The following CCDC192 variants were observed in gnomAD, a reference collection of about 807,000 sequenced individuals.
The protein encoded by CCDC192 is coiled-coil domain-containing protein 192.
intron 2 of CCDC192, among the ~76,000 whole-genome samples, chr5:127,708,055 A>G (rs572436353): frequency 1.3e-5 from 2 of 152,144 alleles, no homozygotes; most frequent in Admixed American, 6.6e-5. Flanking sequence ...CTGTGGCCCT[A>G]CAATACTATA....
chr5:127,919,071 A>C (rs575334214), intron 6 of CCDC192, among the ~76,000 whole-genome samples: 2 of 132,274 alleles, frequency 1.5e-5, no homozygotes, highest in African/African-American at 6.6e-5. Flanking sequence ...GTGTGTGTAT[A>C]TATGTGTGTG....
At chr5:127,843,503 T>C (rs1262973782) in intron 5 of CCDC192, among the ~76,000 whole-genome samples, 2 of 151,320 alleles carry the variant, frequency 1.3e-5, no homozygotes, top group Non-Finnish European at 2.9e-5. Flanking sequence ...AGTGGTGTGA[T>C]CTTGGCTTAC....
intron 3 of CCDC192, among the ~76,000 whole-genome samples, chr5:127,793,832 A>G (rs2126960731): frequency 6.6e-6 from 1 of 152,336 alleles, no homozygotes; most frequent in Non-Finnish European, 1.5e-5. Context: ...TCTTAGAACC[A>G]AACAGCATAT....
chr5:127,786,134 C>A, intron 3 of CCDC192: 1 of 1,080,756 alleles, frequency 9.3e-7, no homozygotes, highest in South Asian at 1.3e-5. Flanking sequence ...TTCTGAAGTT[C>A]TGTGTGGAAA....
intron 3 of CCDC192, among the ~76,000 whole-genome samples, chr5:127,790,707 G>T (rs1326723432): frequency 6.6e-6 from 1 of 151,988 alleles, no homozygotes; most frequent in East Asian, 1.9e-4. Flanking sequence ...AACATATTAG[G>T]CATTCTGCCT....
chr5:127,719,558 T>TACACACACACAC (rs372022175), intron 2 of CCDC192, among the ~76,000 whole-genome samples: 332 of 20,812 alleles, frequency 0.016, 5 homozygotes, highest in African/African-American at 0.027. Flanking sequence ...TATATATATA[T>TACACACACACAC]ACACACATAC....
At chr5:127,704,846 TAAATAAATAAATAAA>T (rs2126766270) in intron 1 of CCDC192, among the ~76,000 whole-genome samples, 1 of 71,480 alleles carries the variant, frequency 1.4e-5, no homozygotes, top group South Asian at 3.7e-4. Context: ...CTAAAATAAA[TAAATAAATAAATAAA>T]TAAATAAATA....
intron 5 of CCDC192, among the ~76,000 whole-genome samples, chr5:127,859,864 A>T (rs1001420204): frequency 5.3e-5 from 8 of 152,086 alleles, no homozygotes; most frequent in Admixed American, 1.3e-4. Flanking sequence ...TATTTCCATT[A>T]TTATAGTTGT....
At chr5:127,794,485 C>G (rs1274221340) in intron 3 of CCDC192, among the ~76,000 whole-genome samples, 1 of 152,196 alleles carries the variant, frequency 6.6e-6, no homozygotes, top group Non-Finnish European at 1.5e-5. Flanking sequence ...GCTCTGCAGA[C>G]TGTCTGACAT....
chr5:127,733,959 G>T (rs1236874752), intron 2 of CCDC192, among the ~76,000 whole-genome samples: 1 of 149,228 alleles, frequency 6.7e-6, no homozygotes, highest in Non-Finnish European at 1.5e-5. Flanking sequence ...AAGTTTTAGG[G>T]TACATGTGCA....
intron 6 of CCDC192, among the ~76,000 whole-genome samples, chr5:127,889,588 G>A (rs1445120228): frequency 6.6e-6 from 1 of 152,142 alleles, no homozygotes; most frequent in Non-Finnish European, 1.5e-5. Flanking sequence ...TTTCAGTAGA[G>A]ATGAGGTTTT....
At chr5:127,738,984 C>G (rs1753213158) in intron 2 of CCDC192, among the ~76,000 whole-genome samples, 1 of 151,976 alleles carries the variant, frequency 6.6e-6, no homozygotes, top group Non-Finnish European at 1.5e-5. Flanking sequence ...AACTGTGTTC[C>G]TTTGGAGGAG....
intron 2 of CCDC192, among the ~76,000 whole-genome samples, chr5:127,721,585 C>T (rs192835942): frequency 1.3e-5 from 2 of 152,320 alleles, no homozygotes; most frequent in East Asian, 3.9e-4. Flanking sequence ...ATTACTGAGT[C>T]CCAAAGCTGC....
chr5:127,918,522 A>G (rs1055919784), intron 6 of CCDC192, among the ~76,000 whole-genome samples: 2 of 152,170 alleles, frequency 1.3e-5, no homozygotes, highest in African/African-American at 4.8e-5. Context: ...TACACACTCT[A>G]TGGGATGAAT....
intron 6 of CCDC192, among the ~76,000 whole-genome samples, chr5:127,909,860 G>A (rs190140802): frequency 6.6e-5 from 10 of 152,152 alleles, no homozygotes; most frequent in African/African-American, 2.4e-4. Flanking sequence ...AATTCTTAAG[G>A]GAGACCACAA....
At chr5:127,740,719 A>G (rs1753364650) in intron 2 of CCDC192, among the ~76,000 whole-genome samples, 1 of 152,220 alleles carries the variant, frequency 6.6e-6, no homozygotes, top group Admixed American at 6.5e-5. Flanking sequence ...TACACAGTAT[A>G]GCAAAATTTA....
intron 2 of CCDC192, among the ~76,000 whole-genome samples, chr5:127,737,388 G>A (rs1269785304): frequency 6.6e-6 from 1 of 152,028 alleles, no homozygotes; most frequent in Non-Finnish European, 1.5e-5. Flanking sequence ...GTGTGGTGCT[G>A]AAAAAAATGT....
chr5:127,820,249 A>G (rs377432923), intron 5 of CCDC192, among the ~76,000 whole-genome samples: 3 of 152,354 alleles, frequency 2.0e-5, no homozygotes, highest in East Asian at 3.9e-4. Context: ...TAGCCAATGA[A>G]TATTTGGCCA....
chr5:127,916,896 C>G (rs1238569828), intron 6 of CCDC192, among the ~76,000 whole-genome samples: 1 of 152,218 alleles, frequency 6.6e-6, no homozygotes, highest in Admixed American at 6.5e-5. Flanking sequence ...TAGCTCCTAA[C>G]AAGAGTCATC....
Sources: allele counts gnomAD v4.1 joint callset (sites outside exome capture counted in the v4.1 genomes callset), GRCh38; gene constraint gnomAD v4.1.1; transcripts MANE v1.5; gene names NCBI Gene and HGNC (gene_info 2026-07-23, HGNC 2026-07-21).